The following SDK1 variants were observed in gnomAD, a reference collection of about 807,000 sequenced individuals.
The protein encoded by SDK1 is protein sidekick-1.
In SDK1, 157 loss-of-function variants were observed where a neutral mutation model predicts 245.5. The ratio of observed to expected loss-of-function variants is 0.64; its 90% CI spans 0.56 to 0.73. SDK1 has a LOEUF of 0.73. Ranked by LOEUF, SDK1 falls within the 30% of genes least tolerant of loss-of-function variation. The probability of loss-of-function intolerance (pLI) is 0.00; values close to 1 mark genes in which losing one functional copy is unlikely to be tolerated. For missense variants in SDK1, 3,583 were observed against 3,002.3 expected (o/e 1.19, Z -4.52); for synonymous variants, 1,647 against 1,278.5 (o/e 1.29, Z -6.15).
intron 1 of SDK1, among the ~76,000 whole-genome samples, chr7:3,316,831 G>C (rs6461993): frequency 2.6e-5 from 4 of 151,720 alleles, no homozygotes; most frequent in Admixed American, 6.6e-5. Flanking sequence ...CCCCTTTTTT[G>C]CTTAAACTAG....
At position 3,952,189 on chromosome 7, in the gene SDK1, C is replaced by A. The variant is rs1009913426; in HGVS notation, c.1150+269C>A. ...AAGCTCGGGAAATAGAGCGGTGAAA[C>A]CCCTGTCATATAGATCCCTCTCCTA... On this transcript the variant is annotated intron_variant, in intron 7 of 44. Coordinates refer to ENST00000404826, the MANE Select transcript of SDK1 (RefSeq NM_152744.4). 17 of 471,788 alleles carry A rather than the reference C, an allele frequency of 3.6e-5. No homozygotes were observed. The East Asian group carries it at 6.0e-4, about 17-fold the overall frequency. 29.2% of individuals were successfully genotyped at this position (471,788 alleles called of 1,614,324 possible). A position where few individuals can be genotyped will look rare whatever the true frequency, so the allele number is the denominator to read the frequency against.
At chr7:3,502,856 T>G (rs17133479) in intron 1 of SDK1, among the ~76,000 whole-genome samples, 4,901 of 152,238 alleles carry the variant, frequency 0.032, 281 homozygotes, top group African/African-American at 0.11. Context: ...TTGAGCAAAT[T>G]GTTTTCTTGT....
intron 4 of SDK1, among the ~76,000 whole-genome samples, chr7:3,696,382 G>A (rs1218039045): frequency 1.3e-5 from 2 of 152,120 alleles, no homozygotes; most frequent in Admixed American, 1.3e-4. Context: ...TGCATATGTG[G>A]AGAGCAGTGG....
intron 5 of SDK1, among the ~76,000 whole-genome samples, chr7:3,856,249 G>T (rs1479637829): frequency 2.6e-5 from 4 of 151,934 alleles, no homozygotes; most frequent in African/African-American, 9.7e-5. Context: ...TAGAAGAATA[G>T]AAACTGAATT....
intron 7 of SDK1, among the ~76,000 whole-genome samples, chr7:3,953,306 T>C (rs1443000342): frequency 6.6e-6 from 1 of 152,206 alleles, no homozygotes; most frequent in African/African-American, 2.4e-5. Context: ...TTGACTCTTC[T>C]AAATACAATG....
At chr7:4,103,583 A>G (rs1360480060) in intron 22 of SDK1, among the ~76,000 whole-genome samples, 1 of 152,206 alleles carries the variant, frequency 6.6e-6, no homozygotes. Flanking sequence ...TCTGTTTTGG[A>G]GCTCCGTGTA....
In SDK1 at chr7:4,265,341, C is replaced by T; in HGVS notation, c.6599C>T (p.Pro2200Leu). 6.1e-6 allele frequency: 9 copies of T among 1,468,788 alleles called. No homozygotes were observed. The highest frequency in any genetic ancestry group is 8.0e-6 in the Non-Finnish European group (9 of 1,123,440). 91.0% of individuals were successfully genotyped at this position (1,468,788 alleles called of 1,614,324 possible). ...GGCGGCGTCTACACCCCCGCTGGCC[C>T]CGGCGCGCGAACTCCGCTCACCGGC... ...SAGGVYTPAG[P>L]GARTPLTGFS... The change falls in exon 45 of 45, where the codon CCC becomes CTC. Residue 2200 changes from proline (P) to leucine (L), a missense_variant. By Grantham distance (98) the Pro-to-Leu change is moderately conservative. Coordinates refer to ENST00000404826, the MANE Select transcript of SDK1 (RefSeq NM_152744.4).
At chr7:4,073,892 C>G (rs947238795) in intron 20 of SDK1, among the ~76,000 whole-genome samples, 1 of 152,180 alleles carries the variant, frequency 6.6e-6, no homozygotes, top group African/African-American at 2.4e-5. Context: ...ACACTCAGCA[C>G]GGCCACAACA....
chr7:3,786,535 A>G (rs1780905551), intron 4 of SDK1, among the ~76,000 whole-genome samples: 1 of 152,240 alleles, frequency 6.6e-6, no homozygotes, highest in African/African-American at 2.4e-5. Flanking sequence ...AAGCCTCTCC[A>G]TGTACAAGAA....
rs372946952 is a variant in SDK1, at chr7:3,896,680, C to T, written c.848-54243C>T. Among the ~76,000 whole-genome samples, 4 of 152,228 alleles carry T rather than the reference C, an allele frequency of 2.6e-5. No homozygotes were observed. The East Asian group carries it at 5.8e-4, about 22-fold the overall frequency. ...CCCAGGAATCACTGTCCCGTGCTGC[C>T]GGTGGTCCAGTGTCAGAAATCGCTG... On this transcript the variant is annotated intron_variant, in intron 5 of 44. Coordinates refer to ENST00000404826, the MANE Select transcript of SDK1 (RefSeq NM_152744.4).
chr7:3,720,361 A>G (rs998944643), intron 4 of SDK1, among the ~76,000 whole-genome samples: 1 of 152,210 alleles, frequency 6.6e-6, no homozygotes, highest in Admixed American at 6.5e-5. Flanking sequence ...GAATATATTG[A>G]ATATATAGAC....
chr7:3,679,321 C>T lies in SDK1; in HGVS notation c.713+37216C>T, dbSNP rs530131236. Among the ~76,000 whole-genome samples the T allele has an allele frequency of 1.3e-4, 20 of 152,118 alleles. No individual in the cohort carries two copies. The South Asian group carries it at 4.1e-3, about 32-fold the overall frequency. ...GTGGCTCATGCCTGTAATCCCAGCA[C>T]TTTGGGAGGCCGAGGCGGGTGGATC... is the stretch of plus-strand genomic sequence containing the variant. On this transcript the variant is annotated intron_variant, in intron 4 of 44. Transcript: ENST00000404826.
At chr7:3,371,155 A>G (rs1245644991) in intron 1 of SDK1, among the ~76,000 whole-genome samples, 1 of 152,198 alleles carries the variant, frequency 6.6e-6, no homozygotes, top group African/African-American at 2.4e-5. Flanking sequence ...TGAAGGGAAT[A>G]TATGTCACAC....
chr7:3,970,511 C>T (rs777642266), intron 11 of SDK1, among the ~76,000 whole-genome samples: 5 of 152,178 alleles, frequency 3.3e-5, no homozygotes, highest in Non-Finnish European at 5.9e-5. Context: ...CCTGAGGTTG[C>T]AGTTTTTTGA....
At chr7:3,696,596 G>GTGTGTC (rs2115001822) in intron 4 of SDK1, among the ~76,000 whole-genome samples, 1 of 151,878 alleles carries the variant, frequency 6.6e-6, no homozygotes, top group African/African-American at 2.4e-5. Context: ...GTGTGTGTGT[G>GTGTGTC]TGTGTTGTTA....
At chr7:3,502,847 TG>T (rs1218008700) in intron 1 of SDK1, among the ~76,000 whole-genome samples, 4 of 152,320 alleles carry the variant, frequency 2.6e-5, no homozygotes, top group Admixed American at 6.5e-5. Context: ...TGAATGACCT[TG>T]AGCAAATTGT....
At chr7:4,079,811 AG>A (rs1273315274) in intron 22 of SDK1, among the ~76,000 whole-genome samples, 1 of 152,200 alleles carries the variant, frequency 6.6e-6, no homozygotes, top group Non-Finnish European at 1.5e-5. Flanking sequence ...AAGGATAAGA[AG>A]GGTTAAAATG....
chr7:3,403,854 T>TA (rs1778970118), intron 1 of SDK1, among the ~76,000 whole-genome samples: 1 of 102,690 alleles, frequency 9.7e-6, no homozygotes, highest in African/African-American at 4.3e-5. Flanking sequence ...TATATATATA[T>TA]ATATATATAT....
At chr7:3,812,570 C>G (rs940561787) in intron 4 of SDK1, among the ~76,000 whole-genome samples, 1 of 152,120 alleles carries the variant, frequency 6.6e-6, no homozygotes, top group African/African-American at 2.4e-5. Flanking sequence ...AATGACTCTC[C>G]TAGAAAAGGA....
Sources: gnomAD v4.1 joint callset for allele counts (sites outside exome capture counted in the v4.1 genomes callset) on GRCh38, gnomAD v4.1.1 for gene constraint, MANE v1.5 for transcripts, NCBI Gene and HGNC (gene_info 2026-07-23, HGNC 2026-07-21) for gene names.